Variants in M1AP observed in about 807,000 individuals in gnomAD.
M1AP encodes meiosis 1 arrest protein.
Under a neutral mutation model 51.2 loss-of-function variants are expected in M1AP, and 39 were observed. That is an observed-to-expected ratio of 0.76 (90% confidence interval 0.59 to 1.00). The LOEUF is 1.00. Ranked by LOEUF, M1AP falls within the 50% of genes least tolerant of loss-of-function variation. The pLI is 0.00. For missense variants in M1AP, 545 were observed against 641.2 expected (o/e 0.85, Z 1.62); for synonymous variants, 251 against 249.2 (o/e 1.01, Z -0.07).
intron 2 of M1AP, among the ~76,000 whole-genome samples, chr2:74,624,333 G>C (rs772614825): frequency 6.6e-5 from 10 of 152,302 alleles, no homozygotes; most frequent in Admixed American, 1.3e-4. Flanking sequence ...GAACACTTGA[G>C]TATGGCTAAT....
intron 7 of M1AP, among the ~76,000 whole-genome samples, chr2:74,564,231 C>T (rs188516287): frequency 2.6e-4 from 39 of 152,264 alleles, no homozygotes; most frequent in African/African-American, 9.1e-4. Context: ...CCACGGGACA[C>T]ATGCTGGGGT....
intron 4 of M1AP, among the ~76,000 whole-genome samples, chr2:74,601,407 A>G (rs1183448933): frequency 1.3e-5 from 2 of 152,108 alleles, no homozygotes; most frequent in Non-Finnish European, 2.9e-5. Context: ...TTACATGTAT[A>G]TCAGTATACA....
intron 4 of M1AP, among the ~76,000 whole-genome samples, chr2:74,585,892 T>G (rs573620883): frequency 1.4e-4 from 22 of 152,360 alleles, no homozygotes; most frequent in African/African-American, 5.3e-4. Context: ...TACTTATTAT[T>G]ACTACTACCA....
rs150215115 is a variant in M1AP at position 74,609,551 on chromosome 2, T to C, written c.427-2328A>G. Among the ~76,000 whole-genome samples, 436 of 152,310 alleles carry C rather than the reference T, an allele frequency of 2.9e-3. 1 individual carries two copies. The highest frequency in any genetic ancestry group is 9.8e-3 in the African/African-American group (407 of 41,576). ...GAAGATATCTCTCCAACACACTGAT[T>C]TCATTTCCTTTGGGTATATACCCAG... is the stretch of plus-strand genomic sequence containing the variant. On this transcript the variant is annotated intron_variant, in intron 3 of 10. Transcript: ENST00000421985.
Position 74,560,206 on chromosome 2 carries a change from T to G in M1AP, c.1367A>C (p.Tyr456Ser). Residue 456 changes from tyrosine to serine, a missense_variant, in exon 9 of 11, where the codon TAT becomes TCT. Transcript: ENST00000421985. ...GTGGAGCCGCCCCTGAGGCTTGGCATAGATGCTGCTCAGGTGTGAGTACAG... is the reference window on the plus strand; with the variant it reads ...GTGGAGCCGCCCCTGAGGCTTGGCAGAGATGCTGCTCAGGTGTGAGTACAG... ...SHLYSHLSSI[Y>S]AKPQGRLHPH... The G allele has an allele frequency of 6.2e-7, 1 of 1,613,902 alleles. No homozygotes were observed. Among genetic ancestry groups the G allele is most frequent in the Admixed American group, 1.7e-5 (1 of 59,974 alleles).
intron 6 of M1AP, 94 bp from the exon 7 acceptor site, chr2:74,575,673 T>G: frequency 1.0e-6 from 1 of 956,564 alleles, no homozygotes; most frequent in Admixed American, 2.2e-5. Context: ...AAGACAGTAC[T>G]GTGAAAGCTT....
intron 5 of M1AP, chr2:74,576,849 G>A: frequency 7.6e-7 from 1 of 1,307,910 alleles, no homozygotes; most frequent in South Asian, 1.9e-5. Flanking sequence ...CTACATAAAA[G>A]TTAACTTATC....
intron 2 of M1AP, among the ~76,000 whole-genome samples, chr2:74,637,339 A>C (rs1386792827): frequency 6.6e-6 from 1 of 152,206 alleles, no homozygotes; most frequent in African/African-American, 2.4e-5. Flanking sequence ...CTTTTTGAAC[A>C]CATGGAACCC....
At chr2:74,561,085 G>GAGA (rs1677906430) in intron 8 of M1AP, among the ~76,000 whole-genome samples, 1 of 112,584 alleles carries the variant, frequency 8.9e-6, no homozygotes, top group African/African-American at 3.6e-5. Flanking sequence ...GGAGGAGGAG[G>GAGA]AGGAGAAGGA....
intron 3 of M1AP, among the ~76,000 whole-genome samples, chr2:74,608,555 C>T (rs564692479): frequency 3.9e-5 from 6 of 152,262 alleles, no homozygotes; most frequent in East Asian, 1.9e-4. Flanking sequence ...TACCCAAGTG[C>T]GGATTTTTGT....
chr2:74,628,888 C>T, intron 2 of M1AP: 1 of 419,250 alleles, frequency 2.4e-6, no homozygotes. Flanking sequence ...GTCTCCTCTT[C>T]TGCATCAATT....
chr2:74,614,567 G>C (rs921860075), intron 3 of M1AP, among the ~76,000 whole-genome samples: 1 of 152,118 alleles, frequency 6.6e-6, no homozygotes, highest in African/African-American at 2.4e-5. Flanking sequence ...TCAATTTGAT[G>C]CCAAGATTTG....
chr2:74,579,554 A>G (rs1188660185), intron 5 of M1AP, among the ~76,000 whole-genome samples: 3 of 152,088 alleles, frequency 2.0e-5, no homozygotes, highest in Admixed American at 1.3e-4. Flanking sequence ...TAATTTCTCT[A>G]AGTCTCAGTT....
At chr2:74,646,453 G>C (rs921143129) in intron 1 of M1AP, among the ~76,000 whole-genome samples, 20 of 152,138 alleles carry the variant, frequency 1.3e-4, no homozygotes, top group Non-Finnish European at 2.5e-4. Context: ...ACATACTTGA[G>C]GAAAGTCATT....
chr2:74,575,607 C>A, intron 6 of M1AP, 28 bp from the exon 7 acceptor site: 4 of 1,577,656 alleles, frequency 2.5e-6, no homozygotes, highest in Non-Finnish European at 3.5e-6. Context: ...CAGTCAAAGA[C>A]TCCTTAGTGA....
rs560868305 is a variant in M1AP, at chr2:74,561,884, C to T, written c.1281+333G>A. Reference sequence around the variant, plus strand: ...TTTTCTCCTTCACAGCCACCCATTCCTCAGATTTCAGGTCCGTGTGCATGT... The same window carrying T: ...TTTTCTCCTTCACAGCCACCCATTCTTCAGATTTCAGGTCCGTGTGCATGT... On this transcript the variant is annotated intron_variant, in intron 8 of 10. Transcript: ENST00000421985. 6 of 985,256 alleles carry T rather than the reference C, an allele frequency of 6.1e-6. No individual in the cohort carries two copies. The East Asian group carries it at 6.8e-4, about 112-fold the overall frequency. 61.0% of individuals were successfully genotyped at this position (985,256 alleles called of 1,614,324 possible).
intron 7 of M1AP, among the ~76,000 whole-genome samples, chr2:74,564,338 C>T (rs997347210): frequency 6.6e-6 from 1 of 152,256 alleles, no homozygotes; most frequent in East Asian, 1.9e-4. Flanking sequence ...TGGTAGGAAA[C>T]CTGTTAACAG....
At chr2:74,566,550 C>T (rs902193789) in intron 7 of M1AP, among the ~76,000 whole-genome samples, 9 of 152,008 alleles carry the variant, frequency 5.9e-5, no homozygotes, top group African/African-American at 2.2e-4. Context: ...ATGCGAGGGG[C>T]GTAGGTGAAA....
chr2:74,636,900 T>C (rs554180237), intron 2 of M1AP, among the ~76,000 whole-genome samples: 11 of 152,300 alleles, frequency 7.2e-5, no homozygotes, highest in African/African-American at 2.6e-4. Flanking sequence ...TCTTTAACAA[T>C]AGTTTTTACA....
Sources: allele counts gnomAD v4.1 joint callset (sites outside exome capture counted in the v4.1 genomes callset), GRCh38; gene constraint gnomAD v4.1.1; transcripts MANE v1.5; gene names NCBI Gene and HGNC (gene_info 2026-07-23, HGNC 2026-07-21).